LGALS9B: variants seen among roughly 807,000 people sequenced by gnomAD.
LGALS9B encodes the protein galectin-9B.
In LGALS9B, 8 loss-of-function variants were observed where a neutral mutation model predicts 35.9. The ratio of observed to expected loss-of-function variants is 0.22; its 90% CI spans 0.13 to 0.40. The LOEUF is 0.40. Ranked by LOEUF, LGALS9B falls within the 10% of genes least tolerant of loss-of-function variation. The pLI is 1.00. For missense variants in LGALS9B, 101 were observed against 397.9 expected (o/e 0.25, Z 6.35); for synonymous variants, 42 against 148.6 (o/e 0.28, Z 5.22).
intron 1 of LGALS9B, among the ~76,000 whole-genome samples, chr17:20,461,122 T>C (rs1205879416): frequency 4.7e-3 from 681 of 145,722 alleles, no homozygotes; most frequent in African/African-American, 0.016. Flanking sequence ...GGGCAAGCAC[T>C]TTGTCAAATT....
At chr17:20,450,894 G>T (rs1297026594) in intron 10 of LGALS9B, among the ~76,000 whole-genome samples, 3 of 152,152 alleles carry the variant, frequency 2.0e-5, no homozygotes, top group Admixed American at 6.6e-5. Flanking sequence ...GGCGGAGCAC[G>T]CCTGCTGCTG....
At chr17:20,464,093 G>GTTTGTTTTT (rs2042744004) in intron 1 of LGALS9B, among the ~76,000 whole-genome samples, 1 of 89,948 alleles carries the variant, frequency 1.1e-5, no homozygotes, top group Non-Finnish European at 2.1e-5. Flanking sequence ...TGTTTGTTGT[G>GTTTGTTTTT]TTTTTTTTTT....
At chr17:20,451,180 G>T (rs1315200186) in intron 10 of LGALS9B, among the ~76,000 whole-genome samples, 20 of 150,678 alleles carry the variant, frequency 1.3e-4, no homozygotes, top group African/African-American at 4.4e-4. Flanking sequence ...AGTCAGTGAA[G>T]AAATGAATAA....
chr17:20,451,100 C>T (rs2042644647), intron 10 of LGALS9B, among the ~76,000 whole-genome samples: 1 of 151,200 alleles, frequency 6.6e-6, no homozygotes. Context: ...TATGTGTCTG[C>T]TTCATGACTG....
intron 10 of LGALS9B, among the ~76,000 whole-genome samples, chr17:20,451,099 G>C (rs1597493782): frequency 6.6e-6 from 1 of 151,118 alleles, no homozygotes; most frequent in Admixed American, 6.6e-5. Flanking sequence ...CTATGTGTCT[G>C]CTTCATGACT....
At chr17:20,457,365 A>G (rs201073734) in intron 3 of LGALS9B, 3,744 of 106,896 alleles carry the variant, frequency 0.035, 11 homozygotes, top group Middle Eastern at 0.1. Flanking sequence ...TGCTGCACAG[A>G]TCAACCCTTC....
At chr17:20,464,829 G>A (rs1055067548) in intron 1 of LGALS9B, among the ~76,000 whole-genome samples, 3 of 152,200 alleles carry the variant, frequency 2.0e-5, no homozygotes, top group East Asian at 3.9e-4. Flanking sequence ...AACACCACCC[G>A]ACAGTGTTCT....
chr17:20,464,514 A>G (rs1222310990), intron 1 of LGALS9B, among the ~76,000 whole-genome samples: 14 of 151,922 alleles, frequency 9.2e-5, no homozygotes, highest in Admixed American at 3.9e-4. Context: ...TCCGGAAGGA[A>G]ACAACCTTGC....
At chr17:20,456,091 T>C (rs965024040) in intron 4 of LGALS9B, among the ~76,000 whole-genome samples, 1 of 151,422 alleles carries the variant, frequency 6.6e-6, no homozygotes, top group Non-Finnish European at 1.5e-5. Flanking sequence ...AGGGGCGCCA[T>C]TGTGTGACCT....
chr17:20,465,036 C>T (rs1208306887), intron 1 of LGALS9B, among the ~76,000 whole-genome samples: 1 of 152,250 alleles, frequency 6.6e-6, no homozygotes, highest in Admixed American at 6.5e-5. Flanking sequence ...AATCCCTCTG[C>T]TGAGTCAGAA....
intron 10 of LGALS9B, among the ~76,000 whole-genome samples, chr17:20,451,164 T>C (rs57791812): frequency 0.05 from 7,473 of 149,978 alleles, no homozygotes; most frequent in African/African-American, 0.13. Flanking sequence ...GTGAAATCGT[T>C]GAATGAGTCA....
At chr17:20,465,117 C>A (rs1238836984) in intron 1 of LGALS9B, among the ~76,000 whole-genome samples, 2 of 151,000 alleles carry the variant, frequency 1.3e-5, no homozygotes, top group East Asian at 4.0e-4. Context: ...GAAGTCAAAG[C>A]AGAGCTGAGC....
intron 1 of LGALS9B, among the ~76,000 whole-genome samples, chr17:20,461,679 C>T (rs1454617181): frequency 1.1e-5 from 1 of 94,596 alleles, no homozygotes; most frequent in Non-Finnish European, 2.3e-5. Flanking sequence ...GCAAAGTAGA[C>T]GTCACACGCC....
Position 20,449,736 on chromosome 17 carries a change from G to C in LGALS9B, c.*237C>G. ...GCTGTGCCCGCCTTCTGGGATTGTA[G>C]GATTCCAGCAGCTGGCGCCCCAGGT... On this transcript the variant is annotated 3_prime_UTR_variant, in exon 11 of 11. Transcript: ENST00000423676. The C allele has an allele frequency of 3.1e-6, 1 of 326,412 alleles. No homozygotes were observed. The highest frequency in any genetic ancestry group is 2.5e-5 in the South Asian group (1 of 39,958). The allele number at this position is 326,412 out of a possible 1,614,324, so 20.2% of individuals were successfully genotyped here.
intron 5 of LGALS9B, among the ~76,000 whole-genome samples, chr17:20,454,766 GCA>G (rs2042674778): frequency 7.3e-6 from 1 of 137,098 alleles, no homozygotes; most frequent in African/African-American, 2.6e-5. Flanking sequence ...GACAGCATAT[GCA>G]AAAGCATGGT....
rs547451535 is a variant in LGALS9B, at chr17:20,449,881, C to T, written c.*92G>A. ...TGCATTAAAGCCCAGATCCCAGGCA[C>T]GGTTGGAAAGGCTGGGCCTGGGAAG... On this transcript the variant is annotated 3_prime_UTR_variant, in exon 11 of 11. Transcript: ENST00000423676. 5,960 of 763,696 alleles carry T rather than the reference C, an allele frequency of 7.8e-3. 802 individuals are homozygous for T. In the South Asian group the frequency reaches 0.084, roughly 11 times the overall value. 47.3% of individuals were successfully genotyped at this position (763,696 alleles called of 1,614,324 possible).
chr17:20,458,495 C>T (rs1452435267), intron 2 of LGALS9B, 111 bp from the exon 3 acceptor site: 1 of 1,468,906 alleles, frequency 6.8e-7, no homozygotes, highest in Non-Finnish European at 9.4e-7. Flanking sequence ...TTGCATACAA[C>T]CTGCGTGGCA....
At chr17:20,463,211 G>A (rs1344232921) in intron 1 of LGALS9B, among the ~76,000 whole-genome samples, 1 of 148,154 alleles carries the variant, frequency 6.7e-6, no homozygotes, top group East Asian at 1.9e-4. Flanking sequence ...TTCTCACTCT[G>A]TTGCCCAGGC....
intron 5 of LGALS9B, among the ~76,000 whole-genome samples, chr17:20,454,347 C>T (rs1226144867): frequency 2.1e-5 from 3 of 141,116 alleles, no homozygotes; most frequent in Admixed American, 7.3e-5. Flanking sequence ...GAAGGGCTGC[C>T]CACCTCCTTG....
Sources: gnomAD v4.1 joint callset for allele counts (sites outside exome capture counted in the v4.1 genomes callset) on GRCh38, gnomAD v4.1.1 for gene constraint, MANE v1.5 for transcripts, NCBI Gene and HGNC (gene_info 2026-07-23, HGNC 2026-07-21) for gene names.